The following MOB3B variants were observed in gnomAD, a reference collection of about 807,000 sequenced individuals.
MOB3B encodes the protein MOB kinase activator-like 2B.
Under a neutral mutation model 18.7 loss-of-function variants are expected in MOB3B, and 7 were observed. That is an observed-to-expected ratio of 0.37 (90% confidence interval 0.21 to 0.70). The LOEUF is 0.70. MOB3B is among the 30% of genes least tolerant of loss of function. The probability of loss-of-function intolerance (pLI) is 0.52; values close to 1 mark genes in which losing one functional copy is unlikely to be tolerated. For missense variants in MOB3B, 253 were observed against 281.3 expected, an observed-to-expected ratio of 0.90 and a Z score of 0.72; for synonymous variants, 111 against 99.9, an observed-to-expected ratio of 1.11 and a Z score of -0.66.
chr9:27,358,252 T>G (rs1357354554), intron 3 of MOB3B, among the ~76,000 whole-genome samples: 4 of 152,130 alleles, frequency 2.6e-5, no homozygotes, highest in Non-Finnish European at 5.9e-5. Context: ...GGGTATAATA[T>G]AGTACTCAAC....
chr9:27,426,447 T>C (rs1822332310), intron 2 of MOB3B, among the ~76,000 whole-genome samples: 1 of 152,216 alleles, frequency 6.6e-6, no homozygotes, highest in African/African-American at 2.4e-5. Context: ...TGAGATATCA[T>C]GTGTATTGGC....
rs542110515 is a variant in MOB3B at position 27,376,170 on chromosome 9, T to C, written c.419-16934A>G. ...TAAGTATTAGATATTCTTTGAACAA[T>C]GAATCACCATATAACCATCACACAG... On this transcript the variant is annotated intron_variant, in intron 2 of 3. Transcript: ENST00000262244. Among the ~76,000 whole-genome samples, 5 of 152,298 alleles carry C rather than the reference T, an allele frequency of 3.3e-5. No individual in the cohort carries two copies. The South Asian group carries it at 8.3e-4, about 25-fold the overall frequency.
intron 2 of MOB3B, among the ~76,000 whole-genome samples, chr9:27,436,952 G>A (rs1417188110): frequency 4.1e-5 from 6 of 145,596 alleles, no homozygotes; most frequent in South Asian, 2.3e-4. Context: ...GGAACAGAAC[G>A]CGCAAAGGCT....
At chr9:27,362,186 C>T (rs1349806932) in intron 2 of MOB3B, among the ~76,000 whole-genome samples, 1 of 152,122 alleles carries the variant, frequency 6.6e-6, no homozygotes, top group African/African-American at 2.4e-5. Flanking sequence ...TTGCCTCTTG[C>T]CTATCCATTT....
chr9:27,329,203 A>AGG lies in MOB3B; in HGVS notation c.*1383_*1384insCC, dbSNP rs1226683850. The stretch of plus-strand genomic sequence containing the variant: ...CATTCTTATCTACTTCCCTCCACCG[A>AGG]CAAATATTTTGCTAAATTAAAAGGA... On this transcript the variant is annotated 3_prime_UTR_variant, in exon 4 of 4. Coordinates refer to ENST00000262244, the MANE Select transcript of MOB3B (RefSeq NM_024761.5). 6.6e-6 allele frequency: 1 copy of AGG among 152,208 alleles called. No individual in the cohort carries two copies. The highest frequency in any genetic ancestry group is 2.4e-5 in the African/African-American group (1 of 41,444). The allele number at this position is 152,208 out of a possible 1,614,324, so 9.4% of individuals were successfully genotyped here. A position where few individuals can be genotyped will look rare whatever the true frequency, so the allele number is the denominator to read the frequency against.
chr9:27,437,465 C>T (rs12235605), intron 2 of MOB3B, among the ~76,000 whole-genome samples: 14,305 of 152,148 alleles, frequency 0.094, 901 homozygotes, highest in Admixed American at 0.17. Context: ...GGACATTGTG[C>T]TAATCAAGGG....
intron 2 of MOB3B, among the ~76,000 whole-genome samples, chr9:27,428,903 C>G (rs576152504): frequency 6.6e-6 from 1 of 152,292 alleles, no homozygotes; most frequent in Non-Finnish European, 1.5e-5. Context: ...GGGTACAAAG[C>G]CTGAATAATG....
intron 1 of MOB3B, among the ~76,000 whole-genome samples, chr9:27,511,103 G>A (rs576270903): frequency 6.6e-6 from 1 of 152,110 alleles, no homozygotes; most frequent in African/African-American, 2.4e-5. Context: ...GGACCCAAGT[G>A]TGTTTAACTC....
intron 2 of MOB3B, among the ~76,000 whole-genome samples, chr9:27,384,535 TA>T (rs1306182450): frequency 3.9e-5 from 6 of 152,200 alleles, no homozygotes; most frequent in Non-Finnish European, 7.3e-5. Context: ...TCATTCTTAT[TA>T]AAACAATTGT....
chr9:27,378,217 C>A, intron 2 of MOB3B: 1 of 376,924 alleles, frequency 2.7e-6, no homozygotes, highest in African/African-American at 2.1e-5. Context: ...TTCTGACCTA[C>A]ACAATGAGTA....
chr9:27,412,224 C>T (rs1822080172), intron 2 of MOB3B, among the ~76,000 whole-genome samples: 1 of 151,380 alleles, frequency 6.6e-6, no homozygotes, highest in African/African-American at 2.4e-5. Flanking sequence ...CAAGGAGAGG[C>T]AGCCATACCT....
At chr9:27,482,944 C>T (rs572924703) in intron 1 of MOB3B, among the ~76,000 whole-genome samples, 1 of 152,258 alleles carries the variant, frequency 6.6e-6, no homozygotes, top group Admixed American at 6.5e-5. Flanking sequence ...TTGCCTTGAA[C>T]AGGCCTCCTG....
At chr9:27,391,951 C>T (rs1444279478) in intron 2 of MOB3B, among the ~76,000 whole-genome samples, 2 of 152,182 alleles carry the variant, frequency 1.3e-5, no homozygotes, top group Admixed American at 6.5e-5. Context: ...TGACATGATG[C>T]CATGCCTCTA....
At chr9:27,476,393 T>G (rs1425471872) in intron 1 of MOB3B, among the ~76,000 whole-genome samples, 1 of 152,152 alleles carries the variant, frequency 6.6e-6, no homozygotes, top group East Asian at 1.9e-4. Context: ...GTTCCTTGGC[T>G]TGTAGACTCA....
chr9:27,357,124 A>ATATATATATATATATATATATATG (rs1178510181), intron 3 of MOB3B, among the ~76,000 whole-genome samples: 5 of 77,338 alleles, frequency 6.5e-5, no homozygotes, highest in Non-Finnish European at 1.0e-4. Context: ...TAATGCAAAT[A>ATATATATATATATATATATATATG]TATATATATA....
chr9:27,344,668 GA>G (rs1821005278), intron 3 of MOB3B, among the ~76,000 whole-genome samples: 1 of 146,626 alleles, frequency 6.8e-6, no homozygotes, highest in Non-Finnish European at 1.5e-5. Flanking sequence ...CAACCTTAAT[GA>G]AAAGTCTTCT....
chr9:27,466,719 A>G lies in MOB3B; in HGVS notation c.-198-10971T>C, dbSNP rs529467600. On this transcript the variant is annotated intron_variant, in intron 1 of 3. Coordinates refer to ENST00000262244, the MANE Select transcript of MOB3B (RefSeq NM_024761.5). ...GAGAAAATGAGGAAGAAGCAAAAGC[A>G]GAAACCCCTGATAAACCCATCAGAT... Among the ~76,000 whole-genome samples the G allele has an allele frequency of 3.7e-4, 56 of 152,386 alleles. No individual in the cohort carries two copies. The East Asian group carries it at 9.6e-3, about 26-fold the overall frequency.
intron 1 of MOB3B, among the ~76,000 whole-genome samples, chr9:27,469,675 C>T (rs1462083905): frequency 1.3e-5 from 2 of 152,212 alleles, no homozygotes; most frequent in African/African-American, 2.4e-5. Flanking sequence ...ACAGTTAGGA[C>T]AGACCTGGGG....
At chr9:27,507,318 C>G (rs928946315) in intron 1 of MOB3B, among the ~76,000 whole-genome samples, 1 of 152,198 alleles carries the variant, frequency 6.6e-6, no homozygotes, top group African/African-American at 2.4e-5. Flanking sequence ...GTGGGATCCT[C>G]CGTGTATCTC....
Sources: gnomAD v4.1 joint callset for allele counts (sites outside exome capture counted in the v4.1 genomes callset) on GRCh38, gnomAD v4.1.1 for gene constraint, MANE v1.5 for transcripts, NCBI Gene and HGNC (gene_info 2026-07-23, HGNC 2026-07-21) for gene names.